ZNF385D: variants seen among roughly 807,000 people sequenced by gnomAD.
The protein encoded by ZNF385D is zinc finger protein 659.
Under a neutral mutation model 35.8 loss-of-function variants are expected in ZNF385D, and 15 were observed. The ratio of observed to expected loss-of-function variants is 0.42; its 90% confidence interval spans 0.28 to 0.64. The LOEUF (loss-of-function observed/expected upper bound fraction) is 0.64. ZNF385D is among the 30% of genes least tolerant of loss of function. The pLI, the probability that ZNF385D is intolerant of heterozygous loss-of-function variation, is 0.23. For synonymous variants in ZNF385D, 212 were observed against 186.8 expected (o/e 1.13, Z -1.10); for missense variants, 474 against 494.6 (o/e 0.96, Z 0.39).
intron 4 of ZNF385D, among the ~76,000 whole-genome samples, chr3:21,487,513 A>G (rs1705121877): frequency 6.6e-6 from 1 of 152,114 alleles, no homozygotes; most frequent in Non-Finnish European, 1.5e-5. Context: ...TGTCAATCCT[A>G]TGTATTTACT....
rs139599652 is a variant in ZNF385D, at chr3:22,239,072, G to T, written c.107-70037C>A. ...CCCAGACTAATTTTAATTTTTTAAAGTGAACTAGAATTCAATTCCAAAGCC... is the reference window on the plus strand; with the variant it reads ...CCCAGACTAATTTTAATTTTTTAAATTGAACTAGAATTCAATTCCAAAGCC... On this transcript the variant is annotated intron_variant, in intron 2 of 5. Coordinates refer to the ZNF385D transcript ENST00000494108. 7.7e-3 allele frequency among the ~76,000 whole-genome samples: 1,165 copies of T among 150,910 alleles called. 66 individuals carry two copies. Among genetic ancestry groups the T allele is most frequent in the African/African-American group, 0.027 (1,105 of 40,806 alleles).
chr3:22,293,935 TA>T (rs1702435867), intron 2 of ZNF385D, among the ~76,000 whole-genome samples: 2 of 152,132 alleles, frequency 1.3e-5, no homozygotes, highest in African/African-American at 4.8e-5. Context: ...ACTTCCTACA[TA>T]CTTGTTCATT....
At chr3:21,865,109 C>G (rs1697276274) in intron 3 of ZNF385D, among the ~76,000 whole-genome samples, 1 of 102,242 alleles carries the variant, frequency 9.8e-6, no homozygotes, top group Admixed American at 1.5e-4. Context: ...GCCGTATCTA[C>G]TTTCATGTGG....
At chr3:21,952,252 C>T (rs527811041) in intron 3 of ZNF385D, among the ~76,000 whole-genome samples, 2 of 151,972 alleles carry the variant, frequency 1.3e-5, no homozygotes, top group Non-Finnish European at 2.9e-5. Context: ...ATTTCCTTGC[C>T]TGGCATCTCC....
chr3:22,304,671 T>A (rs140863087), intron 2 of ZNF385D, among the ~76,000 whole-genome samples: 59 of 152,288 alleles, frequency 3.9e-4, no homozygotes, highest in Middle Eastern at 3.4e-3. Flanking sequence ...TCCAACTACA[T>A]CTGGTATTTT....
intron 2 of ZNF385D, among the ~76,000 whole-genome samples, chr3:21,624,211 C>T (rs1001625536): frequency 5.3e-5 from 8 of 152,020 alleles, no homozygotes; most frequent in Admixed American, 5.3e-4. Flanking sequence ...GCCATCACAA[C>T]ACAGTTTTGG....
Position 21,476,034 on chromosome 3 carries a change from T to TAG in ZNF385D, c.439+34825_439+34826dup, listed in dbSNP as rs548637864. 5.3e-5 allele frequency among the ~76,000 whole-genome samples: 8 copies of TAG among 152,266 alleles called. No individual in the cohort carries two copies. In the South Asian group the frequency reaches 1.7e-3, roughly 32 times the overall value. On this transcript the variant is annotated intron_variant, in intron 4 of 7. Coordinates refer to ENST00000281523, the MANE Select transcript of ZNF385D (RefSeq NM_024697.3). The stretch of plus-strand genomic sequence containing the variant: ...GTTGCTGGTCATATGGATTAGGAGA[T>TAG]AGAGCACAGTTAAATATTCTTGATT...
chr3:21,571,454 G>A (rs1367736825), intron 2 of ZNF385D, among the ~76,000 whole-genome samples: 1 of 152,104 alleles, frequency 6.6e-6, no homozygotes, highest in East Asian at 1.9e-4. Context: ...ATTTATCTGA[G>A]ATACATAACT....
At chr3:22,208,083 T>G (rs905292796) in intron 2 of ZNF385D, among the ~76,000 whole-genome samples, 1 of 151,978 alleles carries the variant, frequency 6.6e-6, no homozygotes, top group Non-Finnish European at 1.5e-5. Flanking sequence ...GCTGGGCATG[T>G]ACACAAAAGA....
At chr3:21,793,837 T>C (rs1339881487) in intron 3 of ZNF385D, among the ~76,000 whole-genome samples, 3 of 152,238 alleles carry the variant, frequency 2.0e-5, no homozygotes, top group Non-Finnish European at 4.4e-5. Flanking sequence ...GTTAGATCTA[T>C]TGTCATGAGT....
rs556048693 is a variant in ZNF385D, at chr3:21,507,344, G to A, written c.439+3517C>T. Among the ~76,000 whole-genome samples the A allele has an allele frequency of 2.0e-5, 3 of 151,816 alleles. No individual in the cohort carries two copies. In the East Asian group the frequency reaches 5.8e-4, roughly 29 times the overall value. On this transcript the variant is annotated intron_variant, in intron 4 of 7. Transcript: ENST00000281523. ...ACATTTTTCAAAGGAATTAGTTTGG[G>A]TTTTTAAAATATATATATAATTGGA...
At chr3:22,175,928 T>C (rs1694802670) in intron 2 of ZNF385D, among the ~76,000 whole-genome samples, 2 of 149,100 alleles carry the variant, frequency 1.3e-5, no homozygotes, top group Non-Finnish European at 3.0e-5. Flanking sequence ...ATATAATATA[T>C]AAAATCATAT....
rs1393213156 is a variant in ZNF385D, at chr3:21,983,630, T to G, written c.325+185187A>C. Among the ~76,000 whole-genome samples the G allele has an allele frequency of 8.5e-4, 111 of 131,148 alleles. 2 individuals are homozygous for G. The highest frequency in any genetic ancestry group is 6.7e-4 in the Non-Finnish European group (41 of 61,506). The allele number at this position is 131,148 out of a possible 152,430, so 86.0% of individuals were successfully genotyped here. The stretch of plus-strand genomic sequence containing the variant: ...AATAATGCCGCAATAAACATACGTG[T>G]GCATGTGTCTTTATAGCAGCATGAT... On this transcript the variant is annotated intron_variant, in intron 3 of 5. Coordinates refer to the ZNF385D transcript ENST00000494108.
intron 3 of ZNF385D, among the ~76,000 whole-genome samples, chr3:21,895,350 CAG>C (rs1399634463): frequency 1.2e-5 from 1 of 81,562 alleles, no homozygotes; most frequent in Middle Eastern, 0.014. Context: ...TTTTTTAAGA[CAG>C]AGTCTCACTC....
chr3:22,168,870 G>C lies in ZNF385D; in HGVS notation c.272C>G (p.Ser91Ter), dbSNP rs943224827. ...GAGTTGTTTTAATCTCTTTTGATGT[G>C]ATTTGCCATTGTAGTGGATTTGTGC... The change falls in exon 3 of 6, where the codon TCA (serine) becomes TGA (stop). Residue 91 changes from serine (S) to a stop codon, truncating the protein, a stop_gained. Coordinates refer to the ZNF385D transcript ENST00000494108. LOFTEE classifies it high-confidence loss of function. 1.0e-6 allele frequency: 1 copy of C among 985,692 alleles called. No individual in the cohort carries two copies. Among genetic ancestry groups the C allele is most frequent in the Non-Finnish European group, 1.2e-6 (1 of 829,926 alleles). 61.1% of individuals were successfully genotyped at this position (985,692 alleles called of 1,614,324 possible).
intron 3 of ZNF385D, among the ~76,000 whole-genome samples, chr3:21,885,495 T>C (rs1214016606): frequency 1.3e-5 from 2 of 151,914 alleles, no homozygotes; most frequent in Non-Finnish European, 2.9e-5. Flanking sequence ...AAAGAGCAAA[T>C]GGAGATATAA....
intron 3 of ZNF385D, chr3:21,511,823 AT>A (rs71976575): frequency 0.17 from 56,937 of 327,614 alleles, 610 homozygotes; most frequent in South Asian, 0.23. Flanking sequence ...TCCTAAGAGC[AT>A]TTTTTTTTTT....
chr3:21,957,864 C>T (rs2125311696), intron 3 of ZNF385D, among the ~76,000 whole-genome samples: 1 of 152,256 alleles, frequency 6.6e-6, no homozygotes, highest in South Asian at 2.1e-4. Context: ...CACCATTCAT[C>T]TACTAGTAAA....
chr3:22,169,388 A>G (rs1375734724), intron 2 of ZNF385D, among the ~76,000 whole-genome samples: 1 of 152,222 alleles, frequency 6.6e-6, no homozygotes, highest in East Asian at 1.9e-4. Context: ...CACAGCTAAC[A>G]AGTGGTATAG....
Sources: allele counts gnomAD v4.1 joint callset (sites outside exome capture counted in the v4.1 genomes callset), GRCh38; gene constraint gnomAD v4.1.1; transcripts MANE v1.5; gene names NCBI Gene and HGNC (gene_info 2026-07-23, HGNC 2026-07-21).